The following SPRED2 variants were observed in gnomAD, a reference collection of about 807,000 sequenced individuals.
SPRED2 encodes sprouty-related, EVH1 domain-containing protein 2.
SPRED2 carries 47 observed loss-of-function variants against 43.0 expected under a neutral mutation model. That is an observed-to-expected ratio of 1.09 (90% CI 0.87 to 1.40). SPRED2 has a LOEUF of 1.40. Ranked by LOEUF, SPRED2 falls within the 40% of genes most tolerant of loss-of-function variation. The probability of loss-of-function intolerance (pLI) is 0.00; values close to 1 mark genes in which losing one functional copy is unlikely to be tolerated. For missense variants in SPRED2, 561 were observed against 586.4 expected (o/e 0.96, Z 0.45); for synonymous variants, 225 against 225.7 (o/e 1.00, Z 0.03).
intron 1 of SPRED2, among the ~76,000 whole-genome samples, chr2:65,423,784 TTTC>T (rs1676493647): frequency 3.3e-5 from 5 of 152,062 alleles, no homozygotes; most frequent in Non-Finnish European, 5.9e-5. Context: ...TTTTTTTTTT[TTTC>T]TTTGAGATGG....
At chr2:65,342,768 G>C (rs550701958) in intron 2 of SPRED2, among the ~76,000 whole-genome samples, 1 of 152,278 alleles carries the variant, frequency 6.6e-6, no homozygotes, top group Admixed American at 6.5e-5. Context: ...GTTGTTTCAT[G>C]ATAGTCTTGA....
intron 1 of SPRED2, among the ~76,000 whole-genome samples, chr2:65,410,508 C>T (rs892227456): frequency 6.6e-6 from 1 of 152,114 alleles, no homozygotes; most frequent in African/African-American, 2.4e-5. Context: ...GCCTGTAATC[C>T]CAGCACTTTG....
intron 5 of SPRED2, among the ~76,000 whole-genome samples, chr2:65,315,808 G>A (rs1260227850): frequency 6.6e-6 from 1 of 152,158 alleles, no homozygotes; most frequent in African/African-American, 2.4e-5. Flanking sequence ...ACAGGCGCCC[G>A]CCACCACACC....
intron 1 of SPRED2, chr2:65,377,609 T>C: frequency 8.5e-6 from 4 of 471,164 alleles, no homozygotes; most frequent in South Asian, 6.2e-5. Flanking sequence ...GGGCAGAAAC[T>C]CACCCCCTCC....
chr2:65,327,087 A>T (rs1673644731), intron 4 of SPRED2, among the ~76,000 whole-genome samples: 1 of 152,120 alleles, frequency 6.6e-6, no homozygotes, highest in Non-Finnish European at 1.5e-5. Flanking sequence ...CCTGGCCTCA[A>T]GCAATCCTCC....
chr2:65,399,202 G>T (rs1675825193), intron 1 of SPRED2, among the ~76,000 whole-genome samples: 1 of 150,532 alleles, frequency 6.6e-6, no homozygotes. Context: ...GCTGGAGGCA[G>T]AGGTTGCGGT....
At chr2:65,342,039 G>A (rs1674198750) in intron 2 of SPRED2, among the ~76,000 whole-genome samples, 1 of 151,458 alleles carries the variant, frequency 6.6e-6, no homozygotes, top group Non-Finnish European at 1.5e-5. Context: ...AGAAAAATAA[G>A]GCCCTGATAA....
At chr2:65,336,649 T>A (rs1209130799) in intron 2 of SPRED2, among the ~76,000 whole-genome samples, 6 of 152,218 alleles carry the variant, frequency 3.9e-5, no homozygotes, top group Non-Finnish European at 8.8e-5. Context: ...ACAAATGTTA[T>A]CTATTTTAGA....
chr2:65,409,097 CCT>C (rs1208888873), intron 1 of SPRED2, among the ~76,000 whole-genome samples: 1 of 152,118 alleles, frequency 6.6e-6, no homozygotes, highest in Admixed American at 6.6e-5. Context: ...TATTATGAGC[CCT>C]TTTTCTATAT....
intron 2 of SPRED2, among the ~76,000 whole-genome samples, chr2:65,343,562 TTC>T (rs1674251843): frequency 6.6e-6 from 1 of 152,212 alleles, no homozygotes; most frequent in African/African-American, 2.4e-5. Flanking sequence ...TCTTTGCATT[TTC>T]TCTGTGGGAT....
intron 1 of SPRED2, among the ~76,000 whole-genome samples, chr2:65,388,825 G>T (rs902861329): frequency 1.4e-4 from 21 of 152,158 alleles, no homozygotes; most frequent in Admixed American, 9.8e-4. Context: ...TATTATAAAG[G>T]CCCTATTCTT....
At chr2:65,320,912 A>G (rs1321165358) in intron 4 of SPRED2, among the ~76,000 whole-genome samples, 1 of 152,220 alleles carries the variant, frequency 6.6e-6, no homozygotes, top group Non-Finnish European at 1.5e-5. Context: ...AGGTATGCAC[A>G]TACCTAATAC....
At chr2:65,370,481 C>T (rs750557957) in intron 1 of SPRED2, among the ~76,000 whole-genome samples, 4 of 152,118 alleles carry the variant, frequency 2.6e-5, no homozygotes, top group Non-Finnish European at 5.9e-5. Flanking sequence ...CCATACGGTC[C>T]CCAAAGCTGA....
intron 1 of SPRED2, among the ~76,000 whole-genome samples, chr2:65,364,487 T>C (rs1185234241): frequency 6.6e-6 from 1 of 152,238 alleles, no homozygotes; most frequent in Non-Finnish European, 1.5e-5. Flanking sequence ...TCCTTTGGAC[T>C]GATGGCTCAC....
chr2:65,391,223 C>T (rs1422081809), intron 1 of SPRED2, among the ~76,000 whole-genome samples: 1 of 151,466 alleles, frequency 6.6e-6, no homozygotes, highest in East Asian at 1.9e-4. Flanking sequence ...CACACACACA[C>T]ACACACGAAT....
intron 1 of SPRED2, among the ~76,000 whole-genome samples, chr2:65,409,425 T>C (rs994116051): frequency 1.3e-5 from 2 of 152,148 alleles, no homozygotes; most frequent in Admixed American, 1.3e-4. Context: ...ATTTCACCTG[T>C]TTCTATTTAC....
At chr2:65,344,088 T>C (rs1674265378) in intron 2 of SPRED2, 2 of 139,490 alleles carry the variant, frequency 1.4e-5, no homozygotes, top group African/African-American at 6.0e-5. Context: ...AGGGAGCCAA[T>C]ATCATGCCAC....
intron 1 of SPRED2, among the ~76,000 whole-genome samples, chr2:65,347,778 C>T (rs1038871746): frequency 4.6e-5 from 7 of 152,182 alleles, no homozygotes; most frequent in Middle Eastern, 3.2e-3. Flanking sequence ...ATACGTATCA[C>T]AATCAACATG....
chr2:65,348,594 G>A (rs1410752868), intron 1 of SPRED2, among the ~76,000 whole-genome samples: 2 of 151,644 alleles, frequency 1.3e-5, no homozygotes, highest in African/African-American at 2.4e-5. Flanking sequence ...CCTGAGGTCA[G>A]GAGTTCAAGA....
Sources: allele counts gnomAD v4.1 joint callset (sites outside exome capture counted in the v4.1 genomes callset), GRCh38; gene constraint gnomAD v4.1.1; transcripts MANE v1.5; gene names NCBI Gene and HGNC (gene_info 2026-07-23, HGNC 2026-07-21).